The following CTNNA3 variants were observed in gnomAD, a reference collection of about 807,000 sequenced individuals.
The protein encoded by CTNNA3 is catenin alpha 3.
Under a neutral mutation model 95.7 loss-of-function variants are expected in CTNNA3, and 76 were observed. The ratio of observed to expected loss-of-function variants is 0.79; its 90% CI spans 0.66 to 0.96. The LOEUF (loss-of-function observed/expected upper bound fraction) is 0.96, where lower values mean the gene tolerates loss of function less well. Among genes scored for constraint, CTNNA3 ranks in the 40% least tolerant of loss-of-function variants. The probability of loss-of-function intolerance (pLI) is 0.00; values close to 1 mark genes in which losing one functional copy is unlikely to be tolerated. For synonymous variants in CTNNA3, 431 were observed against 374.4 expected, an observed-to-expected ratio of 1.15 and a Z score of -1.74; for missense variants, 1,191 against 1,089.8, an observed-to-expected ratio of 1.09 and a Z score of -1.31.
upstream of CTNNA3, among the ~76,000 whole-genome samples, chr10:67,699,787 A>G (rs1841019903): frequency 6.6e-6 from 1 of 152,214 alleles, no homozygotes; most frequent in African/African-American, 2.4e-5. Flanking sequence ...CAGTGGGTGC[A>G]GTGCACCGTT....
chr10:66,379,005 C>A, intron 12 of CTNNA3, 147 bp downstream of exon 12: 1 of 641,114 alleles, frequency 1.6e-6, no homozygotes, highest in Non-Finnish European at 2.7e-6. Flanking sequence ...AATTTCAAAT[C>A]GCATAACCAA....
At chr10:66,041,765 T>G (rs1376827092) in intron 15 of CTNNA3, among the ~76,000 whole-genome samples, 1 of 152,202 alleles carries the variant, frequency 6.6e-6, no homozygotes, top group African/African-American at 2.4e-5. Context: ...CTTTCTGGTC[T>G]TTCTCTATTG....
At chr10:67,217,437 G>A (rs1198284986) in intron 6 of CTNNA3, among the ~76,000 whole-genome samples, 2 of 152,126 alleles carry the variant, frequency 1.3e-5, no homozygotes, top group Non-Finnish European at 2.9e-5. Flanking sequence ...AAATTTCAAA[G>A]GTTGTTCAGA....
At chr10:67,449,406 G>A (rs142604002) in intron 5 of CTNNA3, among the ~76,000 whole-genome samples, 3 of 152,156 alleles carry the variant, frequency 2.0e-5, no homozygotes, top group African/African-American at 7.2e-5. Flanking sequence ...CAAAACTGGA[G>A]GCATCATATT....
intron 8 of CTNNA3, among the ~76,000 whole-genome samples, chr10:66,767,773 T>C (rs1839928408): frequency 6.6e-6 from 1 of 152,140 alleles, no homozygotes; most frequent in Admixed American, 6.5e-5. Context: ...AATAAATCCA[T>C]AATAATTACA....
At chr10:66,084,154 A>AAAAAAAAAG (rs1564627073) in intron 14 of CTNNA3, among the ~76,000 whole-genome samples, 1 of 141,342 alleles carries the variant, frequency 7.1e-6, no homozygotes, top group African/African-American at 2.5e-5. Context: ...AAAAGAAAAA[A>AAAAAAAAAG]AAAGAAAAAG....
chr10:66,006,379 C>G (rs1413081532), intron 15 of CTNNA3, among the ~76,000 whole-genome samples: 2 of 151,920 alleles, frequency 1.3e-5, no homozygotes, highest in Non-Finnish European at 2.9e-5. Context: ...CTCACCAACA[C>G]CCCCCCACAC....
chr10:67,750,952 G>A, intron 1 of CTNNA3: 2 of 1,606,044 alleles, frequency 1.2e-6, no homozygotes, highest in Non-Finnish European at 1.7e-6. Context: ...GGCCAAGCCA[G>A]AGGACCCTTC....
At position 66,550,814 on chromosome 10, in the gene CTNNA3, AT is replaced by A. The variant is rs200896411; in HGVS notation, c.1375-30042del. On this transcript the variant is annotated intron_variant, in intron 10 of 17. Transcript: ENST00000433211. Reference sequence around the variant, plus strand: ...TTGATTTTCTGCTTATAAATCTCTGATTTTTTTTTCAGTTTGTTCTAGAGAT... The same window carrying A: ...TTGATTTTCTGCTTATAAATCTCTGATTTTTTTTCAGTTTGTTCTAGAGAT... Among the ~76,000 whole-genome samples, 265 of 144,256 alleles carry A rather than the reference AT, an allele frequency of 1.8e-3. 3 individuals are homozygous for A. The highest frequency in any genetic ancestry group is 4.4e-4 in the South Asian group (2 of 4,502). The allele number at this position is 144,256 out of a possible 152,430, so 94.6% of individuals were successfully genotyped here. A position where few individuals can be genotyped will look rare whatever the true frequency, so the allele number is the denominator to read the frequency against.
chr10:66,862,289 A>G (rs567193127), intron 7 of CTNNA3, among the ~76,000 whole-genome samples: 2 of 152,320 alleles, frequency 1.3e-5, no homozygotes, highest in South Asian at 2.1e-4. Context: ...ACTCCTGTTT[A>G]TATCAATTAG....
At chr10:66,830,603 C>CTT (rs111968297) in intron 7 of CTNNA3, among the ~76,000 whole-genome samples, 77,289 of 147,542 alleles carry the variant, frequency 0.52, 20,371 homozygotes, top group Admixed American at 0.59. Context: ...ACTAATTTCT[C>CTT]TTTTTTTTTT....
At chr10:67,452,878 G>A (rs1847043130) in intron 5 of CTNNA3, among the ~76,000 whole-genome samples, 1 of 152,190 alleles carries the variant, frequency 6.6e-6, no homozygotes, top group African/African-American at 2.4e-5. Context: ...GGGAGGAGAA[G>A]ACTAAAATAT....
intron 15 of CTNNA3, among the ~76,000 whole-genome samples, chr10:66,040,988 A>G (rs2079675133): frequency 6.6e-6 from 1 of 152,188 alleles, no homozygotes; most frequent in South Asian, 2.1e-4. Flanking sequence ...ACTAATTATA[A>G]AAGGAAAAAG....
intron 5 of CTNNA3, among the ~76,000 whole-genome samples, chr10:67,235,809 C>CTTG (rs1865425097): frequency 7.5e-6 from 1 of 133,966 alleles, no homozygotes; most frequent in Admixed American, 7.1e-5. Flanking sequence ...AACTCAAACA[C>CTTG]ATTTACAAGA....
chr10:67,104,239 C>T (rs1024393273), intron 7 of CTNNA3, among the ~76,000 whole-genome samples: 16 of 151,910 alleles, frequency 1.1e-4, no homozygotes, highest in African/African-American at 3.6e-4. Context: ...TCTACAGTCG[C>T]AAACTGTAGC....
intron 5 of CTNNA3, among the ~76,000 whole-genome samples, chr10:67,375,635 C>T (rs1157551864): frequency 3.9e-5 from 6 of 151,938 alleles, no homozygotes; most frequent in Non-Finnish European, 5.9e-5. Context: ...ATGCAGAGGA[C>T]ATCTCACACA....
chr10:66,314,867 T>A (rs111347273), intron 12 of CTNNA3, among the ~76,000 whole-genome samples: 32 of 152,142 alleles, frequency 2.1e-4, no homozygotes, highest in African/African-American at 7.5e-4. Flanking sequence ...AAAAATCATA[T>A]CATAATTAAG....
At chr10:66,125,462 T>A (rs765614642) in intron 13 of CTNNA3, among the ~76,000 whole-genome samples, 1 of 152,084 alleles carries the variant, frequency 6.6e-6, no homozygotes, top group African/African-American at 2.4e-5. Flanking sequence ...AAGAAAAGTA[T>A]AAGTTATATG....
intron 7 of CTNNA3, among the ~76,000 whole-genome samples, chr10:66,911,858 A>G (rs140490974): frequency 1.2e-3 from 177 of 152,288 alleles, no homozygotes; most frequent in African/African-American, 4.1e-3. Context: ...ACCCACAGAA[A>G]ATATATAAAG....
Sources: allele counts gnomAD v4.1 joint callset (sites outside exome capture counted in the v4.1 genomes callset), GRCh38; gene constraint gnomAD v4.1.1; transcripts MANE v1.5; gene names NCBI Gene and HGNC (gene_info 2026-07-23, HGNC 2026-07-21).